The following LARGE1 variants were observed in gnomAD, a reference collection of about 807,000 sequenced individuals.
The protein encoded by LARGE1 is LARGE xylosyl- and glucuronyltransferase 1, also known as xylosyl- and glucuronyltransferase LARGE1.
LARGE1 carries 43 observed loss-of-function variants against 87.6 expected under a neutral mutation model. The ratio of observed to expected loss-of-function variants is 0.49; its 90% CI spans 0.38 to 0.63. The LOEUF (loss-of-function observed/expected upper bound fraction) is 0.63. Among genes scored for constraint, LARGE1 ranks in the 30% least tolerant of loss-of-function variants. The pLI, the probability that LARGE1 is intolerant of heterozygous loss-of-function variation, is 0.00. For synonymous variants in LARGE1, 434 were observed against 394.6 expected (o/e 1.10, Z -1.18); for missense variants, 802 against 1,000.2 (o/e 0.80, Z 2.67).
At chr22:33,822,158 A>C (rs1243689389) in intron 1 of LARGE1, among the ~76,000 whole-genome samples, 1 of 152,216 alleles carries the variant, frequency 6.6e-6, no homozygotes, top group African/African-American at 2.4e-5. Flanking sequence ...AGCTGCCAAC[A>C]GCACTATGTG....
At chr22:33,347,214 C>T (rs79323443) in intron 9 of LARGE1, among the ~76,000 whole-genome samples, 2,747 of 152,356 alleles carry the variant, frequency 0.018, 102 homozygotes, top group African/African-American at 0.063. Flanking sequence ...TCTACAGGCT[C>T]TTGCAGGTAG....
chr22:33,456,527 T>A (rs1313226545), intron 6 of LARGE1, among the ~76,000 whole-genome samples: 3 of 152,240 alleles, frequency 2.0e-5, no homozygotes, highest in Non-Finnish European at 2.9e-5. Flanking sequence ...GTAAAGTCCT[T>A]TTTGCTTTTT....
At chr22:33,802,823 C>T (rs77015876) in intron 1 of LARGE1, among the ~76,000 whole-genome samples, 4,570 of 152,164 alleles carry the variant, frequency 0.03, 102 homozygotes, top group Middle Eastern at 0.048. Flanking sequence ...ATCTCCCACC[C>T]AACCAAATCC....
intron 7 of LARGE1, among the ~76,000 whole-genome samples, chr22:33,400,615 G>A (rs578249095): frequency 2.0e-5 from 3 of 152,318 alleles, no homozygotes; most frequent in East Asian, 1.9e-4. Flanking sequence ...GAGAGATGGC[G>A]TGGATGGCCG....
At position 33,673,207 on chromosome 22, in the gene LARGE1, G is replaced by A. The variant is rs2267254; in HGVS notation, c.107-22539C>T. On this transcript the variant is annotated intron_variant, in intron 2 of 14. Transcript: ENST00000397394. ...GGAGAATTGCTTGAACCTGAGAGAC[G>A]GAGGTTGCAGGGAGCAGAGATCATG... is the stretch of plus-strand genomic sequence containing the variant. 9.9e-4 allele frequency among the ~76,000 whole-genome samples: 151 copies of A among 152,204 alleles called. 3 individuals carry two copies. The East Asian group carries it at 0.026, about 27-fold the overall frequency.
intron 1 of LARGE1, among the ~76,000 whole-genome samples, chr22:33,819,845 TG>T (rs1347536012): frequency 6.6e-6 from 1 of 152,192 alleles, no homozygotes; most frequent in African/African-American, 2.4e-5. Flanking sequence ...CACCAAAGCC[TG>T]GGCACAGGAT....
chr22:33,496,892 AT>A (rs1412204055), intron 6 of LARGE1, among the ~76,000 whole-genome samples: 3 of 151,326 alleles, frequency 2.0e-5, no homozygotes, highest in Admixed American at 2.0e-4. Context: ...TAAATTCAAC[AT>A]TGTTTGGTTT....
At chr22:33,850,890 G>A (rs752697957) in intron 1 of LARGE1, among the ~76,000 whole-genome samples, 2 of 151,888 alleles carry the variant, frequency 1.3e-5, no homozygotes, top group Non-Finnish European at 2.9e-5. Context: ...GACCCTATAA[G>A]TAACCTAACC....
At chr22:33,402,799 C>G (rs909012249) in intron 7 of LARGE1, among the ~76,000 whole-genome samples, 48 of 152,142 alleles carry the variant, frequency 3.2e-4, no homozygotes, top group African/African-American at 1.1e-3. Context: ...CTCACTGTGA[C>G]CCAGAGGCAG....
intron 6 of LARGE1, among the ~76,000 whole-genome samples, chr22:33,469,388 G>A (rs987538042): frequency 6.6e-6 from 1 of 152,148 alleles, no homozygotes; most frequent in African/African-American, 2.4e-5. Flanking sequence ...GCAGCAATAC[G>A]GATGGAGCTG....
chr22:33,671,877 ATTCTTGTCTG>A (rs529444239), intron 2 of LARGE1, among the ~76,000 whole-genome samples: 41 of 152,198 alleles, frequency 2.7e-4, no homozygotes, highest in Non-Finnish European at 5.0e-4. Flanking sequence ...AATGGTGGCC[ATTCTTGTCTG>A]TATGTGTGAT....
intron 1 of LARGE1, among the ~76,000 whole-genome samples, chr22:33,764,855 C>G (rs1312352658): frequency 6.6e-6 from 1 of 152,154 alleles, no homozygotes; most frequent in African/African-American, 2.4e-5. Context: ...TAGAGAACGA[C>G]AAAAAAGTCT....
chr22:33,502,050 G>A (rs890844953), intron 6 of LARGE1, among the ~76,000 whole-genome samples: 5 of 152,088 alleles, frequency 3.3e-5, no homozygotes, highest in Admixed American at 6.6e-5. Context: ...CAAAAAATTA[G>A]CCGGGCATGC....
intron 9 of LARGE1, 59 bp downstream of exon 9, chr22:33,381,860 G>A (rs776733217): frequency 1.2e-4 from 198 of 1,609,144 alleles, no homozygotes; most frequent in Non-Finnish European, 1.6e-4. Context: ...CCATGCCCCT[G>A]GGAGGTCCTC....
rs139503764 is a variant in LARGE1, at chr22:33,468,745, C to T, written c.788-36480G>A. On this transcript the variant is annotated intron_variant, in intron 6 of 14. Transcript: ENST00000397394. ...TGTCCTAGGGCACACAGCTAGAATA[C>T]GGTAGAGCCACGATTCAAATCCAGG... 1.6e-3 allele frequency among the ~76,000 whole-genome samples: 238 copies of T among 152,216 alleles called. 1 individual carries two copies. The highest frequency in any genetic ancestry group is 5.6e-3 in the African/African-American group (231 of 41,510).
intron 1 of LARGE1, among the ~76,000 whole-genome samples, chr22:33,800,442 T>A (rs2086125072): frequency 6.6e-6 from 1 of 152,226 alleles, no homozygotes; most frequent in African/African-American, 2.4e-5. Flanking sequence ...TATTTGTGTG[T>A]AGTTCTATGA....
intron 11 of LARGE1, among the ~76,000 whole-genome samples, chr22:33,194,304 G>T (rs1309236211): frequency 2.6e-5 from 4 of 152,174 alleles, no homozygotes; most frequent in African/African-American, 7.2e-5. Context: ...AAGATAAATG[G>T]CTTATTTTAT....
intron 7 of LARGE1, among the ~76,000 whole-genome samples, chr22:33,412,442 A>G (rs2066337451): frequency 1.3e-5 from 2 of 152,126 alleles, no homozygotes; most frequent in African/African-American, 4.8e-5. Flanking sequence ...CAAGCTACCA[A>G]TGCAATGCTA....
intron 1 of LARGE1, among the ~76,000 whole-genome samples, chr22:33,878,488 A>T (rs1355453542): frequency 1.3e-5 from 2 of 152,070 alleles, no homozygotes; most frequent in Admixed American, 6.5e-5. Flanking sequence ...CTGTTTTCCT[A>T]AACGAAGGCA....
Sources: gnomAD v4.1 joint callset for allele counts (sites outside exome capture counted in the v4.1 genomes callset) on GRCh38, gnomAD v4.1.1 for gene constraint, MANE v1.5 for transcripts, NCBI Gene and HGNC (gene_info 2026-07-23, HGNC 2026-07-21) for gene names.